Variants in RSF1 observed in about 807,000 individuals in gnomAD.
RSF1 encodes the protein HBV pX-associated protein 8.
Under a neutral mutation model 145.2 loss-of-function variants are expected in RSF1, and 13 were observed. That is an observed-to-expected ratio of 0.09 (90% CI 0.06 to 0.14). The LOEUF is 0.14. RSF1 is among the 10% of genes least tolerant of loss of function. The pLI, the probability that RSF1 is intolerant of heterozygous loss-of-function variation, is 1.00. For synonymous variants in RSF1, 577 were observed against 592.6 expected, an observed-to-expected ratio of 0.97 and a Z score of 0.38; for missense variants, 1,517 against 1,718.2, an observed-to-expected ratio of 0.88 and a Z score of 2.07.
intron 5 of RSF1, among the ~76,000 whole-genome samples, chr11:77,707,767 T>C (rs1013049546): frequency 1.3e-5 from 2 of 152,210 alleles, no homozygotes; most frequent in Non-Finnish European, 2.9e-5. Context: ...ATTTACTGAG[T>C]GCCTGCTTTA....
At chr11:77,854,853 G>T in the RSF1 span, among the ~76,000 whole-genome samples, 228 of 152,316 alleles carry the variant, frequency 1.5e-3, no homozygotes, top group Non-Finnish European at 2.0e-3. Context: ...CTATTGTAGA[G>T]GTTTTCCATG....
upstream of RSF1, chr11:77,820,856 C>T (rs1252096891): frequency 3.6e-6 from 3 of 831,052 alleles, no homozygotes; most frequent in Non-Finnish European, 5.5e-6. Context: ...GGGACGGCTC[C>T]GCGATCCCAC....
chr11:77,857,311 G>C, the RSF1 span, among the ~76,000 whole-genome samples: 2 of 152,192 alleles, frequency 1.3e-5, no homozygotes, highest in African/African-American at 4.8e-5. Context: ...TCTTGAAGGA[G>C]AAGTTTCCCA....
intron 9 of RSF1, among the ~76,000 whole-genome samples, chr11:77,690,655 T>G (rs914523684): frequency 6.6e-6 from 1 of 152,036 alleles, no homozygotes; most frequent in African/African-American, 2.4e-5. Flanking sequence ...TGACCTCAGG[T>G]GATCTGCCTG....
intron 1 of RSF1, chr11:77,813,272 A>G: frequency 4.4e-6 from 3 of 684,106 alleles, no homozygotes; most frequent in South Asian, 3.2e-5. Flanking sequence ...TCTGCCATTT[A>G]TAATTTTTTT....
At chr11:77,744,412 C>A (rs1253346223) in intron 3 of RSF1, among the ~76,000 whole-genome samples, 1 of 152,156 alleles carries the variant, frequency 6.6e-6, no homozygotes, top group Non-Finnish European at 1.5e-5. Context: ...CAATCCTCTG[C>A]CTCAATCTCC....
chr11:77,667,708 T>C (rs1351050985), intron 15 of RSF1, among the ~76,000 whole-genome samples: 1 of 152,136 alleles, frequency 6.6e-6, no homozygotes, highest in Non-Finnish European at 1.5e-5. Context: ...GACAATATTT[T>C]CTTTTTTTTT....
chr11:77,665,441 C>T lies in RSF1; in HGVS notation c.*1476G>A, dbSNP rs970557324. Reference sequence around the variant, plus strand: ...TAGGTTTAATCACAAGTGCTACACTCTGTACAATGTTATGGCTCTGCCTGA... The same window carrying T: ...TAGGTTTAATCACAAGTGCTACACTTTGTACAATGTTATGGCTCTGCCTGA... On this transcript the variant is annotated 3_prime_UTR_variant, in exon 16 of 16. Coordinates refer to ENST00000308488, the MANE Select transcript of RSF1 (RefSeq NM_016578.4). 1 of 152,224 alleles carries T rather than the reference C, an allele frequency of 6.6e-6. No homozygotes were observed. Among genetic ancestry groups the T allele is most frequent in the Non-Finnish European group, 1.5e-5 (1 of 68,044 alleles). The allele number at this position is 152,224 out of a possible 1,614,324, so 9.4% of individuals were successfully genotyped here.
chr11:77,688,612 A>C (rs1377836733), intron 9 of RSF1, among the ~76,000 whole-genome samples: 1 of 152,156 alleles, frequency 6.6e-6, no homozygotes, highest in African/African-American at 2.4e-5. Flanking sequence ...TATCTGAAAC[A>C]CAAGTAGTTT....
chr11:77,728,222 TCC>T (rs1961105004), intron 4 of RSF1, among the ~76,000 whole-genome samples: 3 of 152,160 alleles, frequency 2.0e-5, no homozygotes, highest in African/African-American at 7.2e-5. Flanking sequence ...TGGAATGTGT[TCC>T]CCATGGCTAA....
chr11:77,762,728 G>C (rs532519773), intron 2 of RSF1: 1 of 152,290 alleles, frequency 6.6e-6, no homozygotes, highest in South Asian at 2.1e-4. Context: ...TGTCTGCTAT[G>C]AGCAAAGCAA....
chr11:77,793,491 A>G (rs553790136), intron 1 of RSF1, among the ~76,000 whole-genome samples: 1 of 152,204 alleles, frequency 6.6e-6, no homozygotes, highest in Non-Finnish European at 1.5e-5. Context: ...CTCAAAAAAA[A>G]AGAAAAAACA....
intron 7 of RSF1, among the ~76,000 whole-genome samples, chr11:77,695,351 C>T (rs895253269): frequency 6.6e-6 from 1 of 152,008 alleles, no homozygotes; most frequent in African/African-American, 2.4e-5. Flanking sequence ...TTTTCTATCT[C>T]CCTTATGCCT....
intron 4 of RSF1, among the ~76,000 whole-genome samples, chr11:77,727,398 A>G (rs886463842): frequency 6.6e-6 from 1 of 152,162 alleles, no homozygotes; most frequent in East Asian, 1.9e-4. Flanking sequence ...GTTATGCACC[A>G]TAACAATTTT....
chr11:77,854,137 C>T, the RSF1 span, among the ~76,000 whole-genome samples: 1 of 151,776 alleles, frequency 6.6e-6, no homozygotes, highest in Non-Finnish European at 1.5e-5. Flanking sequence ...ACTACAGGCG[C>T]CCGCCACCAC....
chr11:77,664,454 ATAG>A lies in RSF1; in HGVS notation c.*2460_*2462del, dbSNP rs1435847153. 2.0e-5 allele frequency: 3 copies of A among 152,230 alleles called. No homozygotes were observed. Among genetic ancestry groups the A allele is most frequent in the Admixed American group, 6.5e-5 (1 of 15,268 alleles). The allele number at this position is 152,230 out of a possible 1,614,324, so 9.4% of individuals were successfully genotyped here. A position where few individuals can be genotyped will look rare whatever the true frequency, so the allele number is the denominator to read the frequency against. ...TGGTAAGAATTACCTTAGGCTTTCT[ATAG>A]TAGAAGAGTAAAAATAACTCCTTAT... On this transcript the variant is annotated 3_prime_UTR_variant, in exon 16 of 16. Transcript: ENST00000308488.
intron 1 of RSF1, among the ~76,000 whole-genome samples, chr11:77,791,754 G>C (rs1308039729): frequency 6.6e-6 from 1 of 152,112 alleles, no homozygotes; most frequent in Admixed American, 6.5e-5. Context: ...TCAGTTCCCA[G>C]CAAGTTCCTC....
intron 14 of RSF1, among the ~76,000 whole-genome samples, chr11:77,673,127 C>A (rs147835868): frequency 1.3e-3 from 198 of 152,340 alleles, no homozygotes; most frequent in African/African-American, 4.5e-3. Context: ...CTACCTGTCA[C>A]TATAGTCATA....
rs1452391272 is a variant in RSF1 at position 77,759,845 on chromosome 11, T to C, written c.279+4753A>G. Among the ~76,000 whole-genome samples, 3 of 113,946 alleles carry C rather than the reference T, an allele frequency of 2.6e-5. No individual in the cohort carries two copies. In the East Asian group the frequency reaches 7.3e-4, roughly 28 times the overall value. The allele number at this position is 113,946 out of a possible 152,430, so 74.8% of individuals were successfully genotyped here. On this transcript the variant is annotated intron_variant, in intron 2 of 15. Transcript: ENST00000308488. ...CCAGGTTGTGGTGAGAATTAAATGG[T>C]GATGCATGTTAAAAAAAAAAAAAAA...
Sources: allele counts gnomAD v4.1 joint callset (sites outside exome capture counted in the v4.1 genomes callset), GRCh38; gene constraint gnomAD v4.1.1; transcripts MANE v1.5; gene names NCBI Gene and HGNC (gene_info 2026-07-23, HGNC 2026-07-21).